Variants in PITPNM3 observed in about 807,000 individuals in gnomAD.
The protein encoded by PITPNM3 is membrane-associated phosphatidylinositol transfer protein 3.
A neutral mutation model predicts 102.0 loss-of-function variants in PITPNM3; 26 were observed. The observed-to-expected ratio is 0.25, with a 90% CI of 0.19 to 0.35. PITPNM3 has a LOEUF of 0.35. Among genes scored for constraint, PITPNM3 ranks in the 10% least tolerant of loss-of-function variants. The pLI is 1.00. For missense variants in PITPNM3, 1,083 were observed against 1,346.1 expected, an observed-to-expected ratio of 0.80 and a Z score of 3.06; for synonymous variants, 578 against 558.6, an observed-to-expected ratio of 1.03 and a Z score of -0.49.
At chr17:6,545,241 A>G (rs2150674941) in intron 1 of PITPNM3, among the ~76,000 whole-genome samples, 1 of 152,384 alleles carries the variant, frequency 6.6e-6, no homozygotes, top group South Asian at 2.1e-4. Flanking sequence ...ACGGTTTAGC[A>G]GAGTGCCTGA....
intron 11 of PITPNM3, 87 bp from the exon 12 acceptor site, chr17:6,471,442 C>G: frequency 7.6e-7 from 1 of 1,314,932 alleles, no homozygotes; most frequent in Non-Finnish European, 1.0e-6. Flanking sequence ...GGGAGGGAGG[C>G]TGGGCACTTG....
intron 4 of PITPNM3, among the ~76,000 whole-genome samples, chr17:6,485,496 C>T (rs1043201346): frequency 6.6e-6 from 1 of 152,018 alleles, no homozygotes; most frequent in African/African-American, 2.4e-5. Context: ...TATATCCTTT[C>T]GGTCGGTTTC....
At position 6,482,022 on chromosome 17, in the gene PITPNM3, C is replaced by CTG. The variant is rs1905744456; in HGVS notation, c.587+1494_587+1495insCA. ...TCTCTCTCTCTCTCTCTCTCTCTCT[C>CTG]TCTCTCTCTCTCTGTCTGTCTCTCT... is the stretch of plus-strand genomic sequence containing the variant. On this transcript the variant is annotated intron_variant, in intron 6 of 19. Transcript: ENST00000262483. 1.8e-5 allele frequency among the ~76,000 whole-genome samples: 2 copies of CTG among 109,740 alleles called. 1 individual carries two copies. The highest frequency in any genetic ancestry group is 3.6e-5 in the Non-Finnish European group (2 of 55,548). 72.0% of individuals were successfully genotyped at this position (109,740 alleles called of 152,430 possible).
intron 4 of PITPNM3, 37 bp downstream of exon 4, chr17:6,503,490 G>A (rs1907309025): frequency 1.2e-6 from 2 of 1,607,926 alleles, no homozygotes; most frequent in African/African-American, 1.3e-5. Flanking sequence ...CCCATCCAAG[G>A]GGAAGAAATG....
At chr17:6,503,597 T>A (rs763921775) in intron 3 of PITPNM3, 23 bp from the exon 4 acceptor site, 29 of 1,604,760 alleles carry the variant, frequency 1.8e-5, no homozygotes, top group Non-Finnish European at 2.5e-5. Context: ...AAAAGAAACA[T>A]GAGCAGATCC....
chr17:6,530,074 C>T (rs1750384752), intron 2 of PITPNM3, among the ~76,000 whole-genome samples: 3 of 152,208 alleles, frequency 2.0e-5, no homozygotes. Flanking sequence ...ACAGTTCTAC[C>T]CTTGCCATTC....
chr17:6,503,008 T>C (rs1242892990), intron 4 of PITPNM3, among the ~76,000 whole-genome samples: 1 of 152,142 alleles, frequency 6.6e-6, no homozygotes, highest in African/African-American at 2.4e-5. Context: ...AGAGGTAGCC[T>C]CTTCGTGGAG....
intron 3 of PITPNM3, among the ~76,000 whole-genome samples, chr17:6,505,759 T>G (rs1907466174): frequency 6.6e-6 from 1 of 152,164 alleles, no homozygotes; most frequent in African/African-American, 2.4e-5. Context: ...CCAAGCCCCA[T>G]GCTAGGGGCC....
intron 4 of PITPNM3, among the ~76,000 whole-genome samples, chr17:6,495,947 C>G (rs761702191): frequency 6.6e-6 from 1 of 152,144 alleles, no homozygotes; most frequent in Non-Finnish European, 1.5e-5. Context: ...AGCCCGAGGC[C>G]GAGGCCCCCT....
At chr17:6,496,843 T>C (rs907944) in intron 4 of PITPNM3, among the ~76,000 whole-genome samples, 113,981 of 152,034 alleles carry the variant, frequency 0.75, 42,960 homozygotes, top group Middle Eastern at 0.85. Context: ...GATAGACTTG[T>C]ATATGCGCAC....
At chr17:6,542,723 G>T (rs748849734) in intron 1 of PITPNM3, among the ~76,000 whole-genome samples, 1 of 152,014 alleles carries the variant, frequency 6.6e-6, no homozygotes, top group African/African-American at 2.4e-5. Flanking sequence ...CCTTGTCAGC[G>T]ACAGGACCAA....
intron 1 of PITPNM3, among the ~76,000 whole-genome samples, chr17:6,544,948 G>A (rs1396810849): frequency 3.3e-5 from 5 of 151,960 alleles, no homozygotes; most frequent in African/African-American, 2.4e-5. Context: ...GGGTCCAAAC[G>A]CAGAATGTGG....
chr17:6,491,126 G>C (rs373796125), intron 4 of PITPNM3, among the ~76,000 whole-genome samples: 1,995 of 135,646 alleles, frequency 0.015, 34 homozygotes, highest in Non-Finnish European at 0.024. Context: ...CGAGGGGAGG[G>C]GAGGGGAGCA....
rs1402044612 is a variant in PITPNM3, at chr17:6,556,292, C to T, written c.22+93G>A. ...CCCTCCCGGGACCTCCGCCCACCTG[C>T]GCGAGGGGTTCACCTGGGCCGGCGG... On this transcript the variant is annotated intron_variant, in intron 1 of 19. Coordinates refer to ENST00000262483, the MANE Select transcript of PITPNM3 (RefSeq NM_031220.4). The surrounding 1 kb of genome is among the most constrained non-coding windows in gnomAD (Gnocchi z 5.2). 1.0e-5 allele frequency: 12 copies of T among 1,156,476 alleles called. No individual in the cohort carries two copies. The highest frequency in any genetic ancestry group is 1.4e-5 in the Non-Finnish European group (12 of 868,982). 71.6% of individuals were successfully genotyped at this position (1,156,476 alleles called of 1,614,324 possible). A position where few individuals can be genotyped will look rare whatever the true frequency, so the allele number is the denominator to read the frequency against.
intron 4 of PITPNM3, among the ~76,000 whole-genome samples, chr17:6,485,613 A>C (rs2150584827): frequency 6.6e-6 from 1 of 152,360 alleles, no homozygotes. Context: ...TTTCCAGGGA[A>C]GGTAGACTCC....
At chr17:6,527,298 G>C (rs75194692) in intron 2 of PITPNM3, among the ~76,000 whole-genome samples, 7,925 of 152,150 alleles carry the variant, frequency 0.052, 438 homozygotes, top group East Asian at 0.16. Flanking sequence ...TTCAATCCTG[G>C]ACCCACCATC....
rs369702538 is a variant in PITPNM3 at position 6,538,069 on chromosome 17, C to T, written c.36G>A (p.Pro12=). The change falls in exon 2 of 20, where the codon CCG becomes CCA. Residue 12 remains proline (P), a synonymous_variant. Transcript: ENST00000262483. ...GAAGGTGCCAGGGGGCACCGCCGCC[C>T]GGGGGAGGACCACCTGTTAAAGGGA... ...AKAGRAGGPP[P]GGGAPWHLRN... is the part of the protein sequence containing the mutation. 9.2e-5 allele frequency: 148 copies of T among 1,610,918 alleles called. 2 individuals are homozygous for T. In the South Asian group the frequency reaches 1.5e-3, roughly 16 times the overall value.
chr17:6,464,577 AC>A, intron 15 of PITPNM3, 77 bp downstream of exon 15: 1 of 1,418,210 alleles, frequency 7.1e-7, no homozygotes, highest in Non-Finnish European at 9.8e-7. Context: ...TGACACCCTC[AC>A]CCCACACGCT....
At chr17:6,471,548 C>G (rs965596969) in intron 11 of PITPNM3, among the ~76,000 whole-genome samples, 193 bp from the exon 12 acceptor site, 2 of 152,148 alleles carry the variant, frequency 1.3e-5, no homozygotes, top group African/African-American at 4.8e-5. Flanking sequence ...CTGAAGGGAC[C>G]CCGCTGCCAC....
Sources: allele counts gnomAD v4.1 joint callset (sites outside exome capture counted in the v4.1 genomes callset), GRCh38; gene constraint gnomAD v4.1.1; non-coding constraint Gnocchi (gnomAD v3.1); transcripts MANE v1.5; gene names NCBI Gene and HGNC (gene_info 2026-07-23, HGNC 2026-07-21).